The following RASSF3 variants were observed in gnomAD, a reference collection of about 807,000 sequenced individuals.
The protein encoded by RASSF3 is Ras association domain family member 3.
Under a neutral mutation model 19.9 loss-of-function variants are expected in RASSF3, and 19 were observed. The observed-to-expected ratio is 0.96, with a 90% CI of 0.67 to 1.40. The LOEUF (loss-of-function observed/expected upper bound fraction) is 1.40, where lower values mean the gene tolerates loss of function less well. Ranked by LOEUF, RASSF3 falls within the 40% of genes most tolerant of loss-of-function variation. RASSF3 has a pLI of 0.00. For missense variants in RASSF3, 306 were observed against 289.8 expected (o/e 1.06, Z -0.41); for synonymous variants, 110 against 104.2 (o/e 1.06, Z -0.34).
chr12:64,689,335 A>C (rs1873487710), intron 3 of RASSF3, among the ~76,000 whole-genome samples: 1 of 152,068 alleles, frequency 6.6e-6, no homozygotes, highest in Admixed American at 6.6e-5. Context: ...ACATGATAGT[A>C]ATGTTCTTCA....
rs1868400498 is a variant in RASSF3, at chr12:64,697,389, G to A, written c.*2477G>A. The A allele has an allele frequency of 6.6e-6, 1 of 152,130 alleles. No homozygotes were observed. Among genetic ancestry groups the A allele is most frequent in the South Asian group, 2.1e-4 (1 of 4,832 alleles). 9.4% of individuals were successfully genotyped at this position (152,130 alleles called of 1,614,324 possible). On this transcript the variant is annotated 3_prime_UTR_variant, in exon 5 of 5. Coordinates refer to ENST00000542104, the MANE Select transcript of RASSF3 (RefSeq NM_178169.4). ...TCTTCAATATGTGATGGTACAGGAA[G>A]GATGTTAAATGAAGGGGTGGTATTG...
At chr12:64,693,374 C>G (rs1868312520) in intron 4 of RASSF3, among the ~76,000 whole-genome samples, 2 of 151,906 alleles carry the variant, frequency 1.3e-5, no homozygotes, top group South Asian at 4.2e-4. Context: ...TAGATACCCT[C>G]CTTGACATTC....
rs1868368914 is a variant in RASSF3 at position 64,696,544 on chromosome 12, C to T, written c.*1632C>T. ...AGGAATTGTTAACACTTTGGTGACACCTAATGGATTCTTTTTGAAATTCCA... is the reference window on the plus strand; with the variant it reads ...AGGAATTGTTAACACTTTGGTGACATCTAATGGATTCTTTTTGAAATTCCA... On this transcript the variant is annotated 3_prime_UTR_variant, in exon 5 of 5. Coordinates refer to ENST00000542104, the MANE Select transcript of RASSF3 (RefSeq NM_178169.4). The T allele has an allele frequency of 6.6e-6, 1 of 151,962 alleles. No homozygotes were observed. Among genetic ancestry groups the T allele is most frequent in the Non-Finnish European group, 1.5e-5 (1 of 68,000 alleles). 9.4% of individuals were successfully genotyped at this position (151,962 alleles called of 1,614,324 possible).
rs1592388770 is a variant in RASSF3 at position 64,524,928 on chromosome 12, T to A, written c.170-16653T>A. On this transcript the variant is annotated intron_variant, in intron 1 of 5. Coordinates refer to the RASSF3 transcript ENST00000637125. ...GTTGTTAGGCATCAGGTCTTAGAGT[T>A]GTGAAAATATTTTCTTTCATTTGCT... 2.0e-5 allele frequency among the ~76,000 whole-genome samples: 3 copies of A among 152,260 alleles called. No individual in the cohort carries two copies. The South Asian group carries it at 6.2e-4, about 32-fold the overall frequency.
chr12:64,694,879 A>G lies in RASSF3; in HGVS notation c.684A>G (p.Glu228=), dbSNP rs1043974816. The part of the protein sequence containing the change: ...RRYTAYRQKL[E]EALREVWKPD Reference sequence around the variant, plus strand: ...ACACAGCCTACAGGCAGAAGCTGGAAGAAGCCCTCCGTGAGGTGTGGAAGC... The same window carrying G: ...ACACAGCCTACAGGCAGAAGCTGGAGGAAGCCCTCCGTGAGGTGTGGAAGC... Residue 228 remains glutamate, a synonymous_variant, in exon 5 of 5, where the codon GAA becomes GAG. Transcript: ENST00000542104. The G allele has an allele frequency of 1.2e-6, 2 of 1,614,238 alleles. No homozygotes were observed.
chr12:64,676,001 A>C (rs1872885211), intron 1 of RASSF3, among the ~76,000 whole-genome samples: 1 of 151,826 alleles, frequency 6.6e-6, no homozygotes, highest in Non-Finnish European at 1.5e-5. Context: ...CCAGGGCCAT[A>C]CACCAAGATA....
chr12:64,610,618 GACGGGACCGGCAGCAT>G lies in RASSF3; in HGVS notation c.-14_2del. The G allele has an allele frequency of 6.7e-7, 1 of 1,494,480 alleles. No individual in the cohort carries two copies. The allele number at this position is 1,494,480 out of a possible 1,614,324, so 92.6% of individuals were successfully genotyped here. A position where few individuals can be genotyped will look rare whatever the true frequency, so the allele number is the denominator to read the frequency against. On this transcript the variant is annotated start_lost and 5_prime_UTR_variant, in exon 1 of 5. Transcript: ENST00000542104. ...CGCCCCGGGGAGGCCGCCCGCGCGCGACGGGACCGGCAGCATGAGCAGCGGCTACAGCAGCCTGGAG... is the reference window on the plus strand; with the variant it reads ...CGCCCCGGGGAGGCCGCCCGCGCGCGGAGCAGCGGCTACAGCAGCCTGGAG...
intron 1 of RASSF3, among the ~76,000 whole-genome samples, chr12:64,520,551 CACACATATATATATATATATATAT>C (rs1232764226): frequency 5.8e-5 from 7 of 120,100 alleles, no homozygotes; most frequent in African/African-American, 1.5e-4. Context: ...TACACACATA[CACACATATATATATATATATATAT>C]ATATATATAT....
Position 64,688,299 on chromosome 12 carries a change from ACT to A in RASSF3, c.309_310del (p.Pro104GlnfsTer2). 2 of 1,613,904 alleles carry A rather than the reference ACT, an allele frequency of 1.2e-6. No homozygotes were observed. The highest frequency in any genetic ancestry group is 1.7e-6 in the Non-Finnish European group (2 of 1,179,960). On this transcript the variant is annotated frameshift_variant, in exon 3 of 5. Coordinates refer to ENST00000542104, the MANE Select transcript of RASSF3 (RefSeq NM_178169.4). LOFTEE classifies it high-confidence loss of function. ...PPQTSPNSGK[L>X]SPSSNGCMNT... ...CACAGACTTCTCCAAATTCTGGAAA[ACT>A]CTCTCCCAGTAGCAATGGCTGTATG...
chr12:64,553,834 A>G (rs1393730288), intron 2 of RASSF3, among the ~76,000 whole-genome samples: 2 of 152,132 alleles, frequency 1.3e-5, no homozygotes, highest in African/African-American at 4.8e-5. Flanking sequence ...AAAATTAGCC[A>G]GGCATGGTGG....
At chr12:64,608,070 A>G (rs1016858205), upstream of RASSF3, among the ~76,000 whole-genome samples, 1 of 151,982 alleles carries the variant, frequency 6.6e-6, no homozygotes, top group African/African-American at 2.4e-5. Context: ...TGCCTGGCCT[A>G]ATCATGCCTT....
Position 64,620,014 on chromosome 12 carries a change from C to CTGTGTG in RASSF3, c.111+9289_111+9294dup, listed in dbSNP as rs68044550. On this transcript the variant is annotated intron_variant, in intron 1 of 4. Transcript: ENST00000542104. ...AAAAAAAGAAATTAGTGCAGGTTGA[C>CTGTGTG]TGTGTGTGTGTGTGTGTGTGTGTAG... Among the ~76,000 whole-genome samples the CTGTGTG allele has an allele frequency of 2.5e-4, 34 of 134,230 alleles. No homozygotes were observed. The East Asian group carries it at 3.6e-3, about 14-fold the overall frequency. The allele number at this position is 134,230 out of a possible 152,430, so 88.1% of individuals were successfully genotyped here.
At chr12:64,666,822 T>G (rs1313676559) in intron 1 of RASSF3, among the ~76,000 whole-genome samples, 1 of 152,212 alleles carries the variant, frequency 6.6e-6, no homozygotes, top group Non-Finnish European at 1.5e-5. Context: ...AGTATTTAGG[T>G]GCTGAACAAA....
At chr12:64,553,164 A>G (rs568890817) in intron 2 of RASSF3, among the ~76,000 whole-genome samples, 9 of 152,296 alleles carry the variant, frequency 5.9e-5, no homozygotes, top group African/African-American at 2.2e-4. Context: ...TTGATATCAC[A>G]TGATATTTTA....
At chr12:64,624,902 C>T (rs186250811) in intron 1 of RASSF3, among the ~76,000 whole-genome samples, 2,011 of 149,718 alleles carry the variant, frequency 0.013, 43 homozygotes, top group African/African-American at 0.047. Flanking sequence ...CTCCTGACTT[C>T]GCGATCTGCC....
chr12:64,688,721 G>T (rs999821062), intron 3 of RASSF3, among the ~76,000 whole-genome samples: 1 of 152,068 alleles, frequency 6.6e-6, no homozygotes, highest in Non-Finnish European at 1.5e-5. Context: ...TGGGGGGATG[G>T]GGCGGGGGCT....
At chr12:64,543,192 G>A (rs1354415371), downstream of RASSF3, among the ~76,000 whole-genome samples, 5 of 58,946 alleles carry the variant, frequency 8.5e-5, no homozygotes, top group Non-Finnish European at 1.1e-4. Context: ...GGAGTGGCGG[G>A]CCCCGCACTT....
intron 1 of RASSF3, among the ~76,000 whole-genome samples, chr12:64,519,563 T>C (rs985941288): frequency 3.3e-5 from 5 of 152,090 alleles, no homozygotes; most frequent in Admixed American, 6.6e-5. Context: ...TGCATCAAAA[T>C]TGACCCAACT....
intron 2 of RASSF3, among the ~76,000 whole-genome samples, chr12:64,571,864 C>T (rs1250121615): frequency 6.6e-6 from 1 of 152,134 alleles, no homozygotes; most frequent in Admixed American, 6.6e-5. Flanking sequence ...CAAAGTAAGG[C>T]TTGCTGGTAT....
Sources: gnomAD v4.1 joint callset for allele counts (sites outside exome capture counted in the v4.1 genomes callset) on GRCh38, gnomAD v4.1.1 for gene constraint, MANE v1.5 for transcripts, NCBI Gene and HGNC (gene_info 2026-07-23, HGNC 2026-07-21) for gene names.